Variants in C11orf65 observed in about 807,000 individuals in gnomAD.
The protein encoded by C11orf65 is protein MFI.
Under a neutral mutation model 35.3 loss-of-function variants are expected in C11orf65, and 38 were observed. The observed-to-expected ratio is 1.08, with a 90% CI of 0.83 to 1.41. The LOEUF (loss-of-function observed/expected upper bound fraction) is 1.41. C11orf65 is among the 40% of genes most tolerant of loss of function. C11orf65 has a pLI of 0.00. For missense variants in C11orf65, 370 were observed against 367.1 expected (o/e 1.01, Z -0.06); for synonymous variants, 105 against 114.4 (o/e 0.92, Z 0.53).
At chr11:108,347,487 G>T (rs1019389051) in intron 2 of C11orf65, 20 of 820,002 alleles carry the variant, frequency 2.4e-5, no homozygotes, top group African/African-American at 1.0e-4. Context: ...TAAATATTGG[G>T]TTTTTTTGTT....
At chr11:108,444,112 A>G (rs1398280915) in intron 2 of C11orf65, among the ~76,000 whole-genome samples, 4 of 152,150 alleles carry the variant, frequency 2.6e-5, no homozygotes. Flanking sequence ...AATCAAATAG[A>G]CGCAATAAAA....
downstream of C11orf65, among the ~76,000 whole-genome samples, chr11:108,378,047 C>T (rs192022): frequency 6.7e-6 from 1 of 148,646 alleles, no homozygotes; most frequent in Non-Finnish European, 1.5e-5. Flanking sequence ...GTGAAAATGG[C>T]CATACTGCCC....
chr11:108,317,145 T>TC (rs1228207650), intron 6 of C11orf65, among the ~76,000 whole-genome samples: 2 of 151,252 alleles, frequency 1.3e-5, no homozygotes, highest in African/African-American at 2.4e-5. Flanking sequence ...TGGTTTGTTG[T>TC]CCAGGCTGGT....
intron 2 of C11orf65, chr11:108,364,945 A>G: frequency 1.1e-6 from 1 of 900,748 alleles, no homozygotes; most frequent in Admixed American, 2.2e-5. Flanking sequence ...GGAAACATGA[A>G]GTGTGCATGA....
chr11:108,409,096 CTCT>C (rs1393800772), intron 3 of C11orf65, among the ~76,000 whole-genome samples: 1 of 152,116 alleles, frequency 6.6e-6, no homozygotes, highest in Non-Finnish European at 1.5e-5. Flanking sequence ...GTATTGTACT[CTCT>C]TGTGCTTGGC....
downstream of C11orf65, among the ~76,000 whole-genome samples, chr11:108,327,174 G>C (rs557715384): frequency 4.6e-5 from 7 of 152,102 alleles, no homozygotes; most frequent in Non-Finnish European, 1.0e-4. Context: ...AGCATCTTCT[G>C]TTATTAGAGA....
intron 6 of C11orf65, among the ~76,000 whole-genome samples, chr11:108,404,740 T>C (rs2092508372): frequency 6.6e-6 from 1 of 152,272 alleles, no homozygotes; most frequent in South Asian, 2.1e-4. Flanking sequence ...CATGGGGGTT[T>C]ATTTCACAAT....
chr11:108,400,821 C>T (rs1387362053), intron 6 of C11orf65, among the ~76,000 whole-genome samples: 3 of 152,094 alleles, frequency 2.0e-5, no homozygotes. Flanking sequence ...ATATGCTGCT[C>T]CTGGGCCAGA....
chr11:108,389,033 G>A (rs1341368729), intron 7 of C11orf65, among the ~76,000 whole-genome samples: 1 of 152,228 alleles, frequency 6.6e-6, no homozygotes, highest in Non-Finnish European at 1.5e-5. Context: ...AAAGCCTTTG[G>A]GGAGAAACTG....
intron 2 of C11orf65, among the ~76,000 whole-genome samples, chr11:108,449,449 T>C (rs1364366214): frequency 6.6e-6 from 1 of 151,978 alleles, no homozygotes. Context: ...TATAGATCAA[T>C]GGAGCAGAAC....
At chr11:108,364,867 C>A (rs374664871) in intron 2 of C11orf65, among the ~76,000 whole-genome samples, 1 of 152,136 alleles carries the variant, frequency 6.6e-6, no homozygotes. Flanking sequence ...CACCCCTAAC[C>A]ATGGAGGAAG....
intron 2 of C11orf65, among the ~76,000 whole-genome samples, chr11:108,452,155 G>A (rs887099209): frequency 4.6e-5 from 7 of 152,094 alleles, no homozygotes; most frequent in Non-Finnish European, 8.8e-5. Flanking sequence ...ATTGACAAAT[G>A]GGATCTAATT....
chr11:108,452,096 C>T lies in C11orf65; in HGVS notation c.81+9383G>A, dbSNP rs1040246766. ...ATACCATTCAGGACATAGGCATGGG[C>T]AAGGACTTCATGACTAAAACACCAA... On this transcript the variant is annotated intron_variant, in intron 2 of 8. Coordinates refer to ENST00000393084, the MANE Select transcript of C11orf65 (RefSeq NM_152587.5). Among the ~76,000 whole-genome samples the T allele has an allele frequency of 4.1e-4, 59 of 142,890 alleles. 1 individual carries two copies. Among genetic ancestry groups the T allele is most frequent in the African/African-American group, 1.4e-3 (56 of 40,748 alleles). The allele number at this position is 142,890 out of a possible 152,430, so 93.7% of individuals were successfully genotyped here. A position where few individuals can be genotyped will look rare whatever the true frequency, so the allele number is the denominator to read the frequency against.
Position 108,434,066 on chromosome 11 carries a change from C to CTCA in C11orf65, c.82-2231_82-2229dup, listed in dbSNP as rs147228827. On this transcript the variant is annotated intron_variant, in intron 2 of 8. Coordinates refer to ENST00000393084, the MANE Select transcript of C11orf65 (RefSeq NM_152587.5). The stretch of plus-strand genomic sequence containing the variant: ...AAGATGCTTGTGTCGTATGTGAATG[C>CTCA]TCACCAAAGAACAATCTCAACAGAG... Among the ~76,000 whole-genome samples, 315 of 152,314 alleles carry CTCA rather than the reference C, an allele frequency of 2.1e-3. 1 individual carries two copies. The highest frequency in any genetic ancestry group is 7.1e-3 in the African/African-American group (294 of 41,564).
chr11:108,438,726 CTG>C (rs1484322752), intron 2 of C11orf65, among the ~76,000 whole-genome samples: 1 of 151,186 alleles, frequency 6.6e-6, no homozygotes, highest in Non-Finnish European at 1.5e-5. Context: ...AAAAATCAGA[CTG>C]GGTGCAGTGG....
At chr11:108,406,284 C>A (rs1338618803) in intron 5 of C11orf65, among the ~76,000 whole-genome samples, 1 of 152,136 alleles carries the variant, frequency 6.6e-6, no homozygotes, top group Non-Finnish European at 1.5e-5. Context: ...ATCATTTTCA[C>A]TTTTCATACT....
chr11:108,327,565 T>C, downstream of C11orf65: 1 of 1,199,944 alleles, frequency 8.3e-7, no homozygotes. Flanking sequence ...TTTAACCTGC[T>C]TTTTTCCCCG....
chr11:108,391,706 G>A (rs1440877431), intron 7 of C11orf65, among the ~76,000 whole-genome samples: 1 of 150,824 alleles, frequency 6.6e-6, no homozygotes, highest in East Asian at 2.0e-4. Flanking sequence ...TATTTTCATT[G>A]CCTCAGAAAG....
intron 2 of C11orf65, 67 bp downstream of exon 2, chr11:108,461,412 T>C: frequency 1.6e-6 from 2 of 1,270,852 alleles, no homozygotes; most frequent in South Asian, 1.3e-5. Context: ...AAAAAAAAAT[T>C]GAACTGTACA....
Sources: gnomAD v4.1 joint callset for allele counts (sites outside exome capture counted in the v4.1 genomes callset) on GRCh38, gnomAD v4.1.1 for gene constraint, MANE v1.5 for transcripts, NCBI Gene and HGNC (gene_info 2026-07-23, HGNC 2026-07-21) for gene names.